The following FMNL2 variants were observed in gnomAD, a reference collection of about 807,000 sequenced individuals.
FMNL2 encodes the protein formin-like protein 2.
In FMNL2, 51 loss-of-function variants were observed where a neutral mutation model predicts 130.2. That is an observed-to-expected ratio of 0.39 (90% CI 0.31 to 0.49). The LOEUF is 0.49. FMNL2 is among the 20% of genes least tolerant of loss of function. The probability of loss-of-function intolerance (pLI) is 0.85; values close to 1 mark genes in which losing one functional copy is unlikely to be tolerated. For synonymous variants in FMNL2, 465 were observed against 467.1 expected, an observed-to-expected ratio of 1.00 and a Z score of 0.06; for missense variants, 977 against 1,316.2, an observed-to-expected ratio of 0.74 and a Z score of 3.99.
chr2:152,492,578 A>C (rs1186284768), intron 1 of FMNL2, among the ~76,000 whole-genome samples: 1 of 152,160 alleles, frequency 6.6e-6, no homozygotes, highest in Non-Finnish European at 1.5e-5. Flanking sequence ...GGGGGTGTTC[A>C]AGTACAGCGT....
intron 1 of FMNL2, among the ~76,000 whole-genome samples, chr2:152,404,680 C>T (rs557160912): frequency 6.6e-6 from 1 of 152,248 alleles, no homozygotes; most frequent in Non-Finnish European, 1.5e-5. Context: ...GCAGTGGCAG[C>T]AGCATTAAAC....
chr2:152,339,244 T>C (rs1031622247), intron 1 of FMNL2, among the ~76,000 whole-genome samples: 3 of 142,496 alleles, frequency 2.1e-5, no homozygotes, highest in Admixed American at 7.1e-5. Context: ...ATTTTATGTG[T>C]GGCCCAAGAC....
intron 1 of FMNL2, among the ~76,000 whole-genome samples, chr2:152,461,204 A>G (rs1689222635): frequency 6.6e-6 from 1 of 152,260 alleles, no homozygotes; most frequent in Non-Finnish European, 1.5e-5. Context: ...TTAGGAGATA[A>G]GAAAGAAACA....
intron 1 of FMNL2, among the ~76,000 whole-genome samples, chr2:152,514,886 A>G (rs1316085348): frequency 6.6e-6 from 1 of 152,180 alleles, no homozygotes; most frequent in Non-Finnish European, 1.5e-5. Context: ...GCTACTGTAC[A>G]TACATTATCG....
At chr2:152,526,955 A>G (rs1403958401) in intron 2 of FMNL2, among the ~76,000 whole-genome samples, 7 of 152,010 alleles carry the variant, frequency 4.6e-5, no homozygotes, top group Non-Finnish European at 1.0e-4. Flanking sequence ...AATTTTCCTT[A>G]AGATGTTCTT....
rs990705011 is a variant in FMNL2 at position 152,521,931 on chromosome 2, T to G, written c.118-12T>G. 5 of 1,608,348 alleles carry G rather than the reference T, an allele frequency of 3.1e-6. No individual in the cohort carries two copies. Among genetic ancestry groups the G allele is most frequent in the Non-Finnish European group, 4.3e-6 (5 of 1,175,104 alleles). On this transcript the variant is annotated splice_polypyrimidine_tract_variant and intron_variant, in intron 1 of 25. Coordinates refer to ENST00000288670, the MANE Select transcript of FMNL2 (RefSeq NM_052905.4). The stretch of plus-strand genomic sequence containing the variant: ...ATGTGACATCTTTTCTCTCTTTATT[T>G]TTTTTAAACAGAATGCTATGAACCT...
At chr2:152,416,238 A>G (rs940453607) in intron 1 of FMNL2, among the ~76,000 whole-genome samples, 3 of 152,184 alleles carry the variant, frequency 2.0e-5, no homozygotes, top group Admixed American at 6.6e-5. Flanking sequence ...CAGGATGCCT[A>G]TGAGAGCTGG....
intron 24 of FMNL2, among the ~76,000 whole-genome samples, chr2:152,640,463 G>A (rs1235540502): frequency 6.6e-6 from 1 of 152,188 alleles, no homozygotes; most frequent in East Asian, 1.9e-4. Flanking sequence ...AGTAGGTAAA[G>A]AGCATAAAGG....
intron 1 of FMNL2, among the ~76,000 whole-genome samples, chr2:152,353,666 T>G (rs762794150): frequency 2.0e-5 from 3 of 152,196 alleles, no homozygotes; most frequent in Non-Finnish European, 2.9e-5. Context: ...AGAGCTACCT[T>G]TTTGACTTGT....
chr2:152,376,023 A>G lies in FMNL2; in HGVS notation c.117+40303A>G, dbSNP rs1038501865. 4.0e-5 allele frequency among the ~76,000 whole-genome samples: 6 copies of G among 151,846 alleles called. No homozygotes were observed. In the East Asian group the frequency reaches 1.2e-3, roughly 29 times the overall value. On this transcript the variant is annotated intron_variant, in intron 1 of 25. Coordinates refer to ENST00000288670, the MANE Select transcript of FMNL2 (RefSeq NM_052905.4). ...ATTCTCGTGCCTCAGCCTCCCAAGT[A>G]GCTGGGATTACAGGCATGTACCACC...
chr2:152,525,141 G>C (rs897771478), intron 2 of FMNL2, among the ~76,000 whole-genome samples: 16 of 152,250 alleles, frequency 1.1e-4, no homozygotes, highest in Admixed American at 1.0e-3. Flanking sequence ...CTACTCACAA[G>C]CTTTTTCATT....
intron 1 of FMNL2, among the ~76,000 whole-genome samples, chr2:152,481,293 T>G (rs1218742244): frequency 6.6e-6 from 1 of 152,242 alleles, no homozygotes; most frequent in Non-Finnish European, 1.5e-5. Flanking sequence ...ATTGAAACTA[T>G]CCAGTTTGTG....
chr2:152,629,565 G>T, intron 18 of FMNL2, 91 bp from the exon 19 acceptor site: 1 of 1,216,756 alleles, frequency 8.2e-7, no homozygotes, highest in Non-Finnish European at 1.2e-6. Flanking sequence ...ATGCAGGCCT[G>T]TTTTCTTCTG....
At chr2:152,461,942 C>A (rs190471057) in intron 1 of FMNL2, among the ~76,000 whole-genome samples, 10 of 151,856 alleles carry the variant, frequency 6.6e-5, no homozygotes, top group Admixed American at 6.6e-4. Context: ...TGTTGCCCAG[C>A]GTGGAGTGTG....
At chr2:152,336,785 C>A (rs1246069844) in intron 1 of FMNL2, among the ~76,000 whole-genome samples, 1 of 152,234 alleles carries the variant, frequency 6.6e-6, no homozygotes, top group Non-Finnish European at 1.5e-5. Flanking sequence ...TTGGACACTT[C>A]TCTTTTCCTA....
rs748610896 is a variant in FMNL2, at chr2:152,549,033, C to T, written c.295C>T (p.Arg99Cys). Residue 99 changes from arginine (R) to cysteine (C), a missense_variant, in exon 4 of 26, where the codon CGT (arginine) becomes TGT (cysteine). Physicochemically the swap from Arg to Cys is radical, Grantham distance 180. Around this residue, in one of 4 missense-constraint regions of FMNL2, gnomAD observed 117 missense variants for 134.9 expected, o/e 0.87. Transcript: ENST00000288670. ...TCTTGAATTATAGAAATTCAGACGG[C>T]GTGTTCAAGAATCTACACAAGTGCT... ...PAVTRKKFRR[R>C]VQESTQVLRE... 44 of 1,606,354 alleles carry T rather than the reference C, an allele frequency of 2.7e-5. No homozygotes were observed. Among genetic ancestry groups the T allele is most frequent in the South Asian group, 7.9e-5 (7 of 88,750 alleles).
chr2:152,391,216 A>G lies in FMNL2; in HGVS notation c.117+55496A>G, dbSNP rs142132600. The stretch of plus-strand genomic sequence containing the variant: ...TGCCTTAAATTTGATGCAGTCACAT[A>G]TGCCTTTTGGGTGACTTCACTTTGA... On this transcript the variant is annotated intron_variant, in intron 1 of 25. Coordinates refer to ENST00000288670, the MANE Select transcript of FMNL2 (RefSeq NM_052905.4). Among the ~76,000 whole-genome samples the G allele has an allele frequency of 2.3e-3, 348 of 152,342 alleles. 3 individuals carry two copies. Among genetic ancestry groups the G allele is most frequent in the African/African-American group, 7.8e-3 (323 of 41,586 alleles).
chr2:152,375,873 C>CTATATATATA (rs1235599536), intron 1 of FMNL2, among the ~76,000 whole-genome samples: 8 of 113,834 alleles, frequency 7.0e-5, no homozygotes, highest in African/African-American at 1.6e-4. Flanking sequence ...CTCTCTCTCT[C>CTATATATATA]TCTCTATATA....
chr2:152,348,783 A>G (rs1377044512), intron 1 of FMNL2, among the ~76,000 whole-genome samples: 1 of 146,902 alleles, frequency 6.8e-6, no homozygotes, highest in African/African-American at 2.5e-5. Flanking sequence ...TGCTGTTTGC[A>G]GAGTGCTCTC....
Sources: gnomAD v4.1 joint callset for allele counts (sites outside exome capture counted in the v4.1 genomes callset) on GRCh38, gnomAD v4.1.1 for gene constraint, gnomAD v4.1.1 regional missense constraint, MANE v1.5 for transcripts, NCBI Gene and HGNC (gene_info 2026-07-23, HGNC 2026-07-21) for gene names.